ADAMTS2: variants seen among roughly 807,000 people sequenced by gnomAD.
ADAMTS2 encodes A disintegrin and metalloproteinase with thrombospondin motifs 2.
Under a neutral mutation model 123.0 loss-of-function variants are expected in ADAMTS2, and 50 were observed. The observed-to-expected ratio is 0.41, with a 90% CI of 0.32 to 0.51. The LOEUF (loss-of-function observed/expected upper bound fraction) is 0.51. Among genes scored for constraint, ADAMTS2 ranks in the 20% least tolerant of loss-of-function variants. The pLI is 0.35. For synonymous variants in ADAMTS2, 678 were observed against 695.4 expected (o/e 0.98, Z 0.39); for missense variants, 1,494 against 1,705.2 (o/e 0.88, Z 2.18).
intron 3 of ADAMTS2, among the ~76,000 whole-genome samples, chr5:179,217,356 A>G (rs1358990422): frequency 6.6e-6 from 1 of 152,262 alleles, no homozygotes; most frequent in African/African-American, 2.4e-5. Flanking sequence ...ACACTAAGGA[A>G]AGGATACGGT....
In ADAMTS2 at chr5:179,132,881, A is replaced by T; in HGVS notation, c.2105T>A (p.Val702Glu). 1 of 1,613,892 alleles carries T rather than the reference A, an allele frequency of 6.2e-7. No homozygotes were observed. The highest frequency in any genetic ancestry group is 1.7e-5 in the Admixed American group (1 of 59,998). The change falls in exon 14 of 22, where the codon GTG becomes GAG. Residue 702 changes from valine (V) to glutamate (E), a missense_variant. Coordinates refer to ENST00000251582, the MANE Select transcript of ADAMTS2 (RefSeq NM_014244.5). This position sits in a 1 kb window ranked among gnomAD's most constrained non-coding sequence, Gnocchi z 6.1. Reference sequence around the variant, plus strand: ...GTCTTCCTGCTTGCTGGAGCCGATCACACCGTCACAGCCCACCTTCTGTTG... The same window carrying T: ...GTCTTCCTGCTTGCTGGAGCCGATCTCACCGTCACAGCCCACCTTCTGTTG... Reference protein sequence around the residue: ...GDCRKVGCDGVIGSSKQEDKC... With the variant: ...GDCRKVGCDGEIGSSKQEDKC...
chr5:179,327,398 G>A (rs537395688), intron 2 of ADAMTS2, among the ~76,000 whole-genome samples: 23 of 152,220 alleles, frequency 1.5e-4, no homozygotes, highest in African/African-American at 5.3e-4. Context: ...CACATCCCCC[G>A]TAGAAACTCA....
rs546618689 is a variant in ADAMTS2 at position 179,241,271 on chromosome 5, T to G, written c.688+31640A>C. Among the ~76,000 whole-genome samples, 159 of 152,226 alleles carry G rather than the reference T, an allele frequency of 1.0e-3. 2 individuals carry two copies. Among genetic ancestry groups the G allele is most frequent in the African/African-American group, 3.7e-3 (155 of 41,538 alleles). ...GACAGAGTGCAAGGTGCCTGGAAGC[T>G]CCTCGGGAACGTTAGCTGTGTCCCT... On this transcript the variant is annotated intron_variant, in intron 3 of 21. Transcript: ENST00000251582.
At chr5:179,206,867 G>A (rs1372349214) in intron 4 of ADAMTS2, among the ~76,000 whole-genome samples, 2 of 152,144 alleles carry the variant, frequency 1.3e-5, no homozygotes, top group African/African-American at 2.4e-5. Flanking sequence ...GGCAGACCAT[G>A]GGCAGGTGCC....
At chr5:179,258,234 T>C (rs898050029) in intron 3 of ADAMTS2, among the ~76,000 whole-genome samples, 1 of 152,064 alleles carries the variant, frequency 6.6e-6, no homozygotes, top group African/African-American at 2.4e-5. Context: ...GAGCAGGCCA[T>C]CATGCTTCTT....
chr5:179,127,512 G>A (rs994024749), intron 17 of ADAMTS2, among the ~76,000 whole-genome samples: 1 of 152,090 alleles, frequency 6.6e-6, no homozygotes, highest in Admixed American at 6.5e-5. Flanking sequence ...GTCCAGAGTG[G>A]GTAGGACCCC....
intron 2 of ADAMTS2, among the ~76,000 whole-genome samples, chr5:179,309,396 G>A (rs1397420267): frequency 2.6e-5 from 4 of 152,186 alleles, no homozygotes; most frequent in Non-Finnish European, 4.4e-5. Flanking sequence ...TGGCAACAGT[G>A]ACCCAGACCT....
chr5:179,327,370 G>T (rs895959402), intron 2 of ADAMTS2, among the ~76,000 whole-genome samples: 1 of 152,144 alleles, frequency 6.6e-6, no homozygotes, highest in Non-Finnish European at 1.5e-5. Context: ...GCCTTCTCCT[G>T]AAAGTGTCTC....
chr5:179,329,823 G>C (rs1381484624), intron 2 of ADAMTS2, among the ~76,000 whole-genome samples: 1 of 152,172 alleles, frequency 6.6e-6, no homozygotes, highest in Non-Finnish European at 1.5e-5. Flanking sequence ...GTAACCACCA[G>C]CCATTAAAGA....
At position 179,158,931 on chromosome 5, in the gene ADAMTS2, A is replaced by G; in HGVS notation, c.976-52T>C. On this transcript the variant is annotated intron_variant, in intron 5 of 21. Coordinates refer to ENST00000251582, the MANE Select transcript of ADAMTS2 (RefSeq NM_014244.5). This position sits in a 1 kb window ranked among gnomAD's most constrained non-coding sequence, Gnocchi z 5.0. ...GAGAGAGGTTGGCGCCTGGTGGCCCAGTGGGGGGCCGAGCAGGCTGTAGTG... is the reference window on the plus strand; with the variant it reads ...GAGAGAGGTTGGCGCCTGGTGGCCCGGTGGGGGGCCGAGCAGGCTGTAGTG... 1 of 1,602,640 alleles carries G rather than the reference A, an allele frequency of 6.2e-7. No homozygotes were observed. Among genetic ancestry groups the G allele is most frequent in the Non-Finnish European group, 8.5e-7 (1 of 1,174,506 alleles).
chr5:179,269,716 T>G (rs975830177), intron 3 of ADAMTS2, among the ~76,000 whole-genome samples: 2 of 152,112 alleles, frequency 1.3e-5, no homozygotes, highest in African/African-American at 4.8e-5. Context: ...CCACACAGGA[T>G]GAGATGCACA....
chr5:179,116,799 C>T (rs1017118010), intron 21 of ADAMTS2, among the ~76,000 whole-genome samples: 7 of 152,266 alleles, frequency 4.6e-5, no homozygotes, highest in African/African-American at 9.6e-5. Context: ...TGAGCTTCTA[C>T]GTGGCCAAAA....
intron 2 of ADAMTS2, among the ~76,000 whole-genome samples, chr5:179,299,227 G>A (rs1451646068): frequency 6.6e-6 from 1 of 151,650 alleles, no homozygotes; most frequent in African/African-American, 2.4e-5. Context: ...TGCAAATGTA[G>A]TGGCTTAAAA....
chr5:179,238,602 T>C (rs934106456), intron 3 of ADAMTS2, among the ~76,000 whole-genome samples: 3 of 152,024 alleles, frequency 2.0e-5, no homozygotes, highest in African/African-American at 7.2e-5. Flanking sequence ...TGAGGGTGTC[T>C]AGAAAGGGCA....
At chr5:179,344,710 C>G (rs576117681) in intron 1 of ADAMTS2, among the ~76,000 whole-genome samples, 1 of 152,352 alleles carries the variant, frequency 6.6e-6, no homozygotes, top group East Asian at 1.9e-4. Flanking sequence ...CCGGCCCCGT[C>G]TCCCCGAGCG....
rs1227341507 is a variant in ADAMTS2, at chr5:179,180,708, A to G, written c.975+364T>C. 1.3e-5 allele frequency among the ~76,000 whole-genome samples: 2 copies of G among 151,958 alleles called. No homozygotes were observed. Among genetic ancestry groups the G allele is most frequent in the African/African-American group, 4.8e-5 (2 of 41,328 alleles). On this transcript the variant is annotated intron_variant, in intron 5 of 21. Coordinates refer to ENST00000251582, the MANE Select transcript of ADAMTS2 (RefSeq NM_014244.5). This position sits in a 1 kb window ranked among gnomAD's most constrained non-coding sequence, Gnocchi z 4.6. ...AAACTGGCCAACCTTAAGCCAGCTC[A>G]CCCTGTCCCCATCGGTCCTTCCTGC...
intron 3 of ADAMTS2, among the ~76,000 whole-genome samples, chr5:179,255,991 C>T (rs1184986062): frequency 6.6e-6 from 1 of 152,166 alleles, no homozygotes; most frequent in Non-Finnish European, 1.5e-5. Flanking sequence ...CTGCCTACAC[C>T]CCCAACACAT....
intron 2 of ADAMTS2, among the ~76,000 whole-genome samples, chr5:179,295,419 G>A (rs780677014): frequency 3.3e-4 from 50 of 152,276 alleles, no homozygotes; most frequent in East Asian, 3.9e-4. Context: ...CAGCCTCCCC[G>A]CCCTGCAAGC....
Position 179,156,665 on chromosome 5 carries a change from C to T in ADAMTS2, c.1133-1746G>A, listed in dbSNP as rs541001494. On this transcript the variant is annotated intron_variant, in intron 6 of 21. Transcript: ENST00000251582. Reference sequence around the variant, plus strand: ...GAGCCACCGCGCCCCGTCTACCTTTCGAATTTTTTACTTCCCCCATCCTAT... The same window carrying T: ...GAGCCACCGCGCCCCGTCTACCTTTTGAATTTTTTACTTCCCCCATCCTAT... Among the ~76,000 whole-genome samples, 109 of 152,192 alleles carry T rather than the reference C, an allele frequency of 7.2e-4. 1 individual carries two copies. Among genetic ancestry groups the T allele is most frequent in the African/African-American group, 2.5e-3 (104 of 41,550 alleles).
Sources: gnomAD v4.1 joint callset for allele counts (sites outside exome capture counted in the v4.1 genomes callset) on GRCh38, gnomAD v4.1.1 for gene constraint, Gnocchi (gnomAD v3.1) non-coding constraint, MANE v1.5 for transcripts, NCBI Gene and HGNC (gene_info 2026-07-23, HGNC 2026-07-21) for gene names.